Variants in ASTN2 observed in about 807,000 individuals in gnomAD.
ASTN2 encodes the protein astrotactin-2.
A neutral mutation model predicts 139.8 loss-of-function variants in ASTN2; 54 were observed. The ratio of observed to expected loss-of-function variants is 0.39; its 90% CI spans 0.31 to 0.48. The LOEUF is 0.48. ASTN2 is among the 20% of genes least tolerant of loss of function. ASTN2 has a pLI of 0.95. For missense variants in ASTN2, 1,565 were observed against 1,725.1 expected, an observed-to-expected ratio of 0.91 and a Z score of 1.64; for synonymous variants, 756 against 719.5, an observed-to-expected ratio of 1.05 and a Z score of -0.81.
intron 18 of ASTN2, 48 bp from the exon 19 acceptor site, chr9:116,618,520 T>C (rs752132611): frequency 6.4e-7 from 1 of 1,567,824 alleles, no homozygotes; most frequent in Non-Finnish European, 8.6e-7. Context: ...CAGCACCAGC[T>C]GGGGCCCAAA....
At chr9:117,168,770 C>T (rs886255342) in intron 3 of ASTN2, among the ~76,000 whole-genome samples, 3 of 152,140 alleles carry the variant, frequency 2.0e-5, no homozygotes, top group African/African-American at 7.2e-5. Context: ...ACAAAAGTTG[C>T]ATGAAGCAGT....
chr9:117,058,195 G>T (rs2132679714), intron 5 of ASTN2, among the ~76,000 whole-genome samples: 1 of 152,164 alleles, frequency 6.6e-6, no homozygotes, highest in East Asian at 1.9e-4. Flanking sequence ...AGAATAAATG[G>T]ATAAATGAAT....
At chr9:117,355,366 AAC>A (rs766537329) in intron 1 of ASTN2, among the ~76,000 whole-genome samples, 1 of 152,234 alleles carries the variant, frequency 6.6e-6, no homozygotes, top group Non-Finnish European at 1.5e-5. Flanking sequence ...GTGTGATAAC[AAC>A]ATTTATTTTC....
intron 14 of ASTN2, among the ~76,000 whole-genome samples, chr9:116,732,573 C>A (rs1050621967): frequency 1.1e-4 from 17 of 152,150 alleles, no homozygotes; most frequent in Admixed American, 3.3e-4. Context: ...ATAAGGCACA[C>A]AACCACAGTA....
At chr9:116,620,222 AG>A in intron 18 of ASTN2, 87 bp downstream of exon 18, 1 of 1,589,276 alleles carries the variant, frequency 6.3e-7, no homozygotes, top group Non-Finnish European at 8.6e-7. Context: ...CCTTGGGAGC[AG>A]AAGCAAGTCA....
Position 116,698,429 on chromosome 9 carries a change from C to G in ASTN2, c.2806+27342G>C. On this transcript the variant is annotated intron_variant, in intron 16 of 22. Coordinates refer to ENST00000313400, the MANE Select transcript of ASTN2 (RefSeq NM_001365068.1). This position sits in a 1 kb window ranked among gnomAD's most constrained non-coding sequence, Gnocchi z 4.4. ...TAGAGGAGCAGAGTTACCTGCTTAA[C>G]ATTGCAGAGGTGCAGGCTGTGTCTC... is the stretch of plus-strand genomic sequence containing the variant. 1 of 1,614,096 alleles carries G rather than the reference C, an allele frequency of 6.2e-7. No homozygotes were observed. Among genetic ancestry groups the G allele is most frequent in the Non-Finnish European group, 8.5e-7 (1 of 1,180,028 alleles).
At chr9:116,431,227 G>A (rs1293041265) in intron 22 of ASTN2, among the ~76,000 whole-genome samples, 2 of 152,092 alleles carry the variant, frequency 1.3e-5, no homozygotes, top group Admixed American at 6.5e-5. Flanking sequence ...AATTTCTAAG[G>A]GGACCCTGAA....
At position 116,840,469 on chromosome 9, in the gene ASTN2, C is replaced by T. The variant is rs1832184417; in HGVS notation, c.2041-19686G>A. On this transcript the variant is annotated intron_variant, in intron 11 of 22. Transcript: ENST00000313400. ...TAGGCGCGGCCGGGCAGAGGCGCCC[C>T]TCACCTCCCGGACGGGGCGGCTGGC... Among the ~76,000 whole-genome samples the T allele has an allele frequency of 2.1e-5, 3 of 145,858 alleles. No individual in the cohort carries two copies. The Admixed American group carries it at 2.1e-4, about 10-fold the overall frequency.
chr9:117,356,336 T>G (rs1177942461), intron 1 of ASTN2, among the ~76,000 whole-genome samples: 1 of 152,230 alleles, frequency 6.6e-6, no homozygotes, highest in Admixed American at 6.5e-5. Context: ...TGTGTGCTGG[T>G]AGATATGCCA....
intron 5 of ASTN2, among the ~76,000 whole-genome samples, chr9:117,086,323 C>T (rs146477948): frequency 0.011 from 1,737 of 152,230 alleles, 19 homozygotes; most frequent in Non-Finnish European, 0.016. Context: ...GCCTGTAATC[C>T]CAGCACTTTG....
chr9:117,079,112 T>G (rs1828356640), intron 5 of ASTN2, among the ~76,000 whole-genome samples: 1 of 152,198 alleles, frequency 6.6e-6, no homozygotes, highest in African/African-American at 2.4e-5. Context: ...TCCCAGTACA[T>G]TGAGAGGCCA....
chr9:117,200,685 A>G (rs1475825476), intron 3 of ASTN2, among the ~76,000 whole-genome samples: 1 of 152,120 alleles, frequency 6.6e-6, no homozygotes, highest in Non-Finnish European at 1.5e-5. Flanking sequence ...CATATGTTGA[A>G]CCATCCTTGC....
intron 7 of ASTN2, among the ~76,000 whole-genome samples, chr9:116,987,916 G>A (rs191994879): frequency 1.3e-4 from 20 of 152,314 alleles, no homozygotes; most frequent in African/African-American, 2.4e-4. Flanking sequence ...CATATACAGC[G>A]TGGATACTAT....
At chr9:116,646,833 T>TTCCC (rs1857612734) in intron 17 of ASTN2, among the ~76,000 whole-genome samples, 1 of 152,214 alleles carries the variant, frequency 6.6e-6, no homozygotes, top group South Asian at 2.1e-4. Flanking sequence ...TTCTCCTGGC[T>TTCCC]TCCCCATTGC....
chr9:117,174,294 G>T (rs1830866428), intron 3 of ASTN2, among the ~76,000 whole-genome samples: 1 of 151,904 alleles, frequency 6.6e-6, no homozygotes, highest in East Asian at 1.9e-4. Flanking sequence ...AAGACAATAT[G>T]TCTATAAATG....
intron 3 of ASTN2, among the ~76,000 whole-genome samples, chr9:117,168,830 C>A (rs1405323217): frequency 6.6e-6 from 1 of 152,098 alleles, no homozygotes; most frequent in African/African-American, 2.4e-5. Context: ...AATGTTATTG[C>A]AGTTTGTTTT....
At chr9:117,096,283 G>T in intron 4 of ASTN2, 132 bp from the exon 5 acceptor site, 2 of 688,870 alleles carry the variant, frequency 2.9e-6, no homozygotes, top group Non-Finnish European at 5.0e-6. Flanking sequence ...CCAGGAGTCA[G>T]TGTGATAAAT....
intron 20 of ASTN2, among the ~76,000 whole-genome samples, chr9:116,472,841 C>T (rs1365027969): frequency 1.3e-5 from 2 of 150,604 alleles, no homozygotes; most frequent in Non-Finnish European, 2.9e-5. Context: ...GCAGGAGAAT[C>T]GCTTGAACCC....
chr9:116,991,747 CT>C (rs1370733359), intron 7 of ASTN2, among the ~76,000 whole-genome samples: 3 of 152,150 alleles, frequency 2.0e-5, no homozygotes, highest in Non-Finnish European at 4.4e-5. Flanking sequence ...CCTGGTCTGT[CT>C]GATTTCAGTC....
Sources: gnomAD v4.1 joint callset for allele counts (sites outside exome capture counted in the v4.1 genomes callset) on GRCh38, gnomAD v4.1.1 for gene constraint, Gnocchi (gnomAD v3.1) non-coding constraint, MANE v1.5 for transcripts, NCBI Gene and HGNC (gene_info 2026-07-23, HGNC 2026-07-21) for gene names.